Variants in PACRG observed in about 807,000 individuals in gnomAD.
PACRG encodes the protein parkin coregulated.
Under a neutral mutation model 29.7 loss-of-function variants are expected in PACRG, and 29 were observed. That is an observed-to-expected ratio of 0.98 (90% CI 0.73 to 1.33). The LOEUF (loss-of-function observed/expected upper bound fraction) is 1.33, where lower values mean the gene tolerates loss of function less well. PACRG is among the 40% of genes most tolerant of loss of function. The probability of loss-of-function intolerance (pLI) is 0.00; values close to 1 mark genes in which losing one functional copy is unlikely to be tolerated. For synonymous variants in PACRG, 116 were observed against 118.7 expected, an observed-to-expected ratio of 0.98 and a Z score of 0.15; for missense variants, 279 against 316.2, an observed-to-expected ratio of 0.88 and a Z score of 0.89.
At position 162,784,878 on chromosome 6, in the gene PACRG, G is replaced by T. The variant is rs540768932; in HGVS notation, c.157-29269G>T. Among the ~76,000 whole-genome samples, 3 of 152,140 alleles carry T rather than the reference G, an allele frequency of 2.0e-5. No homozygotes were observed. The East Asian group carries it at 5.8e-4, about 30-fold the overall frequency. On this transcript the variant is annotated intron_variant, in intron 1 of 4. Coordinates refer to ENST00000366888, the MANE Select transcript of PACRG (RefSeq NM_001080379.2). ...AAAGAGGTGAGATCGGATAAGAATTGGTTAGTTTTCAAGCACAGAAAAATG... is the reference window on the plus strand; with the variant it reads ...AAAGAGGTGAGATCGGATAAGAATTTGTTAGTTTTCAAGCACAGAAAAATG...
intron 4 of PACRG, among the ~76,000 whole-genome samples, chr6:163,235,298 A>G (rs182303565): frequency 1.2e-4 from 18 of 152,274 alleles, no homozygotes; most frequent in African/African-American, 4.1e-4. Context: ...ATACAGATAT[A>G]TTTCTTCTCC....
intron 4 of PACRG, among the ~76,000 whole-genome samples, chr6:163,307,333 G>C (rs1325342302): frequency 6.6e-6 from 1 of 152,172 alleles, no homozygotes; most frequent in Admixed American, 6.5e-5. Context: ...AAGAGAACGA[G>C]ACATCCAGCT....
intron 1 of PACRG, among the ~76,000 whole-genome samples, chr6:162,787,476 T>C (rs1784547866): frequency 6.7e-6 from 1 of 149,786 alleles, no homozygotes; most frequent in Non-Finnish European, 1.5e-5. Context: ...TATATAGTTA[T>C]ATATGTATAT....
chr6:163,213,491 A>G (rs1781236787), intron 4 of PACRG, among the ~76,000 whole-genome samples: 1 of 152,206 alleles, frequency 6.6e-6, no homozygotes, highest in Admixed American at 6.5e-5. Context: ...GTTGCATTTC[A>G]GTGCTTGTGT....
intron 2 of PACRG, among the ~76,000 whole-genome samples, chr6:162,956,560 T>C (rs189570893): frequency 4.5e-4 from 69 of 152,308 alleles, no homozygotes; most frequent in African/African-American, 1.5e-3. Flanking sequence ...GATGAGAGTG[T>C]TGGCAGGGCC....
At chr6:162,990,266 G>C (rs572500181) in intron 2 of PACRG, among the ~76,000 whole-genome samples, 2 of 151,576 alleles carry the variant, frequency 1.3e-5, no homozygotes, top group Admixed American at 6.6e-5. Flanking sequence ...TAATGGGATG[G>C]CTGGGTCAAA....
At chr6:163,071,716 C>G (rs1812073771) in intron 3 of PACRG, among the ~76,000 whole-genome samples, 1 of 147,730 alleles carries the variant, frequency 6.8e-6, no homozygotes, top group African/African-American at 2.5e-5. Context: ...AAAAAAGACC[C>G]AAATAAATAA....
chr6:163,228,576 A>G (rs539654968), intron 4 of PACRG, among the ~76,000 whole-genome samples: 22 of 152,160 alleles, frequency 1.4e-4, no homozygotes, highest in Non-Finnish European at 3.1e-4. Context: ...CCAACTTTAT[A>G]CCAAAGAATT....
chr6:162,897,280 C>T (rs1795241685), intron 2 of PACRG, among the ~76,000 whole-genome samples: 1 of 152,216 alleles, frequency 6.6e-6, no homozygotes. Context: ...ATCAACTATG[C>T]TGCTGGAAAG....
chr6:162,729,923 T>A (rs537260493), intron 1 of PACRG, among the ~76,000 whole-genome samples: 68 of 152,266 alleles, frequency 4.5e-4, no homozygotes, highest in Non-Finnish European at 7.9e-4. Context: ...ACAACTTAAT[T>A]GAGATCCATT....
intron 2 of PACRG, among the ~76,000 whole-genome samples, chr6:163,041,603 AATCTCT>A (rs1178826027): frequency 2.0e-5 from 3 of 152,150 alleles, no homozygotes; most frequent in Non-Finnish European, 4.4e-5. Context: ...GAGTCAGTTA[AATCTCT>A]TTCCTTCGTA....
chr6:163,196,920 T>TAGAC (rs1231764966), intron 4 of PACRG, among the ~76,000 whole-genome samples: 5 of 118,574 alleles, frequency 4.2e-5, no homozygotes, highest in South Asian at 3.0e-4. Flanking sequence ...ACAGACAGAC[T>TAGAC]AGACAGATAG....
chr6:162,885,183 A>T (rs1011046763), intron 2 of PACRG, among the ~76,000 whole-genome samples: 1 of 151,988 alleles, frequency 6.6e-6, no homozygotes, highest in East Asian at 1.9e-4. Flanking sequence ...TAAACCATGA[A>T]GAAAACATGG....
At chr6:162,961,491 T>C (rs1234939074) in intron 2 of PACRG, among the ~76,000 whole-genome samples, 1 of 152,234 alleles carries the variant, frequency 6.6e-6, no homozygotes, top group African/African-American at 2.4e-5. Context: ...TCCTGCATCA[T>C]GACTTTTGTA....
chr6:163,276,217 G>C (rs1444556491), intron 4 of PACRG, among the ~76,000 whole-genome samples: 1 of 151,852 alleles, frequency 6.6e-6, no homozygotes, highest in African/African-American at 2.4e-5. Flanking sequence ...TTGTAGAGAT[G>C]GGGTTTTGCC....
intron 2 of PACRG, among the ~76,000 whole-genome samples, chr6:162,892,658 G>A (rs943022894): frequency 5.9e-5 from 9 of 152,134 alleles, no homozygotes; most frequent in African/African-American, 2.2e-4. Flanking sequence ...CACTGGCTGA[G>A]AGCTCCGCCC....
At chr6:163,276,622 TAATGTCCAACGCAAAGTATTAAG>T (rs1348525554) in intron 4 of PACRG, among the ~76,000 whole-genome samples, 1 of 152,230 alleles carries the variant, frequency 6.6e-6, no homozygotes, top group East Asian at 1.9e-4. Flanking sequence ...TGTTGAAATC[TAATGTCCAACGCAAAGTATTAAG>T]AAGTGAGGCC....
chr6:163,088,718 C>G (rs1163332531), intron 3 of PACRG, among the ~76,000 whole-genome samples: 1 of 151,956 alleles, frequency 6.6e-6, no homozygotes, highest in African/African-American at 2.4e-5. Context: ...TTCTTTCCTA[C>G]TTTGTGAGGG....
Position 163,269,944 on chromosome 6 carries a change from AAAGAAAGAAAG to A in PACRG, c.614-44880_614-44870del, listed in dbSNP as rs1562350090. Among the ~76,000 whole-genome samples, 30 of 36,276 alleles carry A rather than the reference AAAGAAAGAAAG, an allele frequency of 8.3e-4. No individual in the cohort carries two copies. In the East Asian group the frequency reaches 0.016, roughly 19 times the overall value. 23.8% of individuals were successfully genotyped at this position (36,276 alleles called of 152,430 possible). ...AAAGAAAGAAAACAAAGAAAGAAAG[AAAGAAAGAAAG>A]AAAGAAAGAAAGAAAGAAAGAAAGA... On this transcript the variant is annotated intron_variant, in intron 4 of 4. Transcript: ENST00000366888.
Sources: gnomAD v4.1 joint callset for allele counts (sites outside exome capture counted in the v4.1 genomes callset) on GRCh38, gnomAD v4.1.1 for gene constraint, MANE v1.5 for transcripts, NCBI Gene and HGNC (gene_info 2026-07-23, HGNC 2026-07-21) for gene names.